Variants in ELFN2 observed in about 807,000 individuals in gnomAD.
The protein encoded by ELFN2 is protein phosphatase 1 regulatory subunit 29.
In ELFN2, 17 loss-of-function variants were observed where a neutral mutation model predicts 45.5. That is an observed-to-expected ratio of 0.37 (90% CI 0.26 to 0.56). ELFN2 has a LOEUF of 0.56. ELFN2 is among the 20% of genes least tolerant of loss of function. The probability of loss-of-function intolerance (pLI) is 0.77; values close to 1 mark genes in which losing one functional copy is unlikely to be tolerated. For synonymous variants in ELFN2, 550 were observed against 551.5 expected (o/e 1.00, Z 0.04); for missense variants, 922 against 1,183.2 (o/e 0.78, Z 3.24).
At chr22:37,406,365 G>A (rs1046780419) in intron 2 of ELFN2, among the ~76,000 whole-genome samples, 8 of 152,172 alleles carry the variant, frequency 5.3e-5, no homozygotes, top group African/African-American at 1.7e-4. Flanking sequence ...GAGTGCCGGG[G>A]TGTGGTGCCT....
intron 1 of ELFN2, among the ~76,000 whole-genome samples, chr22:37,423,253 C>T (rs1932823883): frequency 6.6e-6 from 1 of 152,160 alleles, no homozygotes; most frequent in Admixed American, 6.5e-5. Flanking sequence ...GAGATGCAGG[C>T]ACCACCCACG....
At chr22:37,389,555 A>G (rs1056411581) in intron 2 of ELFN2, among the ~76,000 whole-genome samples, 1 of 151,524 alleles carries the variant, frequency 6.6e-6, no homozygotes, top group African/African-American at 2.4e-5. Context: ...CACAACCCCG[A>G]GGTATAGCCC....
rs1932862091 is a variant in ELFN2 at position 37,427,403 on chromosome 22, G to C, written c.-719C>G. On this transcript the variant is annotated 5_prime_UTR_variant, in exon 1 of 3. Transcript: ENST00000402918. The stretch of plus-strand genomic sequence containing the variant: ...TGAATGTGAGTGTGAGCGCGGGTGT[G>C]GGTGCGGGGTGCGTGGCCGTGGGGT... 1 of 152,848 alleles carries C rather than the reference G, an allele frequency of 6.5e-6. No homozygotes were observed. The highest frequency in any genetic ancestry group is 2.4e-5 in the African/African-American group (1 of 41,438). 9.5% of individuals were successfully genotyped at this position (152,848 alleles called of 1,614,324 possible).
chr22:37,392,029 G>A (rs894016655), intron 2 of ELFN2, among the ~76,000 whole-genome samples: 4 of 152,190 alleles, frequency 2.6e-5, no homozygotes, highest in African/African-American at 4.8e-5. Flanking sequence ...GATAACCCAC[G>A]GGCAACTCCC....
intron 2 of ELFN2, among the ~76,000 whole-genome samples, chr22:37,377,090 G>A (rs1043664138): frequency 6.6e-5 from 10 of 152,236 alleles, no homozygotes; most frequent in African/African-American, 1.9e-4. Context: ...CACTTGATGG[G>A]GGAGAAGAAG....
intron 1 of ELFN2, among the ~76,000 whole-genome samples, chr22:37,360,699 A>C (rs1208213706): frequency 6.6e-6 from 1 of 152,212 alleles, no homozygotes; most frequent in Non-Finnish European, 1.5e-5. Flanking sequence ...AAAGCTCCTT[A>C]GACCGAAAGC....
intron 1 of ELFN2, among the ~76,000 whole-genome samples, chr22:37,426,440 C>T (rs1174526109): frequency 2.0e-5 from 3 of 151,896 alleles, no homozygotes; most frequent in Admixed American, 2.0e-4. Flanking sequence ...TGCGTGTGTG[C>T]GCTTGTGTGT....
rs189234922 is a variant in ELFN2 at position 37,344,118 on chromosome 22, G to A, written n.149-1415C>T. Among the ~76,000 whole-genome samples the A allele has an allele frequency of 3.2e-3, 135 of 42,154 alleles. 1 individual carries two copies. Among genetic ancestry groups the A allele is most frequent in the East Asian group, 7.5e-3 (8 of 1,072 alleles). 27.7% of individuals were successfully genotyped at this position (42,154 alleles called of 152,430 possible). A position where few individuals can be genotyped will look rare whatever the true frequency, so the allele number is the denominator to read the frequency against. On this transcript the variant is annotated intron_variant and non_coding_transcript_variant, in intron 1 of 2. Transcript: ENST00000452946. ...TGCCCATGGCCCCCTGCCTATGCCC[G>A]CCTGCCCATGCCCACCTGCCCATGC...
intron 2 of ELFN2, among the ~76,000 whole-genome samples, chr22:37,398,061 C>A (rs925134939): frequency 6.6e-6 from 1 of 152,080 alleles, no homozygotes; most frequent in Non-Finnish European, 1.5e-5. Context: ...GGCCACGCTG[C>A]GGGTGGATTA....
intron 2 of ELFN2, among the ~76,000 whole-genome samples, chr22:37,415,772 C>T (rs1300761142): frequency 1.3e-5 from 2 of 152,118 alleles, no homozygotes; most frequent in Non-Finnish European, 2.9e-5. Context: ...ACCATCCTGG[C>T]TAACACCGTG....
chr22:37,380,029 A>C (rs1162018068), intron 2 of ELFN2, among the ~76,000 whole-genome samples: 6 of 152,068 alleles, frequency 3.9e-5, no homozygotes, highest in Non-Finnish European at 8.8e-5. Context: ...AACCCTCATC[A>C]CCCAAGATCA....
At chr22:37,395,729 G>A (rs1265172690) in intron 2 of ELFN2, among the ~76,000 whole-genome samples, 4 of 152,104 alleles carry the variant, frequency 2.6e-5, no homozygotes, top group Non-Finnish European at 5.9e-5. Context: ...TGCACCCAGG[G>A]GCCCACCACA....
chr22:37,361,059 A>G (rs4821645), intron 1 of ELFN2, among the ~76,000 whole-genome samples: 55,221 of 151,918 alleles, frequency 0.36, 10,630 homozygotes, highest in Admixed American at 0.56. Context: ...GACCGTTATA[A>G]ACAGCTAAGG....
intron 1 of ELFN2, among the ~76,000 whole-genome samples, chr22:37,426,240 G>C (rs1397628065): frequency 6.6e-6 from 1 of 152,170 alleles, no homozygotes; most frequent in Non-Finnish European, 1.5e-5. Context: ...CTGAGTGCAC[G>C]GTCAGCACCA....
At chr22:37,355,014 A>G (rs975371876) in intron 1 of ELFN2, among the ~76,000 whole-genome samples, 2 of 152,120 alleles carry the variant, frequency 1.3e-5, no homozygotes, top group African/African-American at 4.8e-5. Flanking sequence ...AGGGAGCAAA[A>G]TTACCCCTGG....
rs1443466078 is a variant in ELFN2 at position 37,373,194 on chromosome 22, G to T, written c.2341C>A (p.Arg781=). 6.2e-7 allele frequency: 1 copy of T among 1,613,784 alleles called. No individual in the cohort carries two copies. Among genetic ancestry groups the T allele is most frequent in the East Asian group, 2.2e-5 (1 of 44,882 alleles). ...CCGGCGGCCATGTACACCTCCTCCC[G>T]GTGGTGCTTCTTGTAGGGCCGGAAG... is the stretch of plus-strand genomic sequence containing the variant. ...ERFRPYKKHH[R]EEVYMAAGHA... is the part of the protein sequence containing the mutation. Residue 781 remains arginine, a synonymous_variant, in exon 3 of 3, where the codon CGG becomes AGG. Transcript: ENST00000402918.
Position 37,374,869 on chromosome 22 carries a change from G to A in ELFN2, c.666C>T (p.Ala222=), listed in dbSNP as rs770292721. Residue 222 remains alanine (A), a synonymous_variant, in exon 3 of 3, where the codon GCC becomes GCT. Coordinates refer to ENST00000402918, the MANE Select transcript of ELFN2 (RefSeq NM_052906.5). ...RLQCESPREF[A]GYPLLVPRPY... The stretch of plus-strand genomic sequence containing the variant: ...GCCGGGGCACCAGCAGCGGGTAGCC[G>A]GCAAACTCCCGCGGCGACTCACACT... 7.5e-6 allele frequency: 12 copies of A among 1,609,570 alleles called. No homozygotes were observed. The highest frequency in any genetic ancestry group is 1.7e-5 in the Admixed American group (1 of 59,998).
intron 2 of ELFN2, among the ~76,000 whole-genome samples, chr22:37,378,753 C>T (rs116064098): frequency 6.6e-6 from 1 of 152,372 alleles, no homozygotes; most frequent in African/African-American, 2.4e-5. Flanking sequence ...GTCAGCTGCC[C>T]GGTCCCCATC....
chr22:37,346,718 G>T (rs953655683), intron 1 of ELFN2, among the ~76,000 whole-genome samples: 36 of 152,160 alleles, frequency 2.4e-4, no homozygotes, highest in African/African-American at 8.7e-4. Context: ...GGAGAGGCAC[G>T]GCTCCTGTAT....
Sources: allele counts gnomAD v4.1 joint callset (sites outside exome capture counted in the v4.1 genomes callset), GRCh38; gene constraint gnomAD v4.1.1; transcripts MANE v1.5; gene names NCBI Gene and HGNC (gene_info 2026-07-23, HGNC 2026-07-21).